RUFY3: variants seen among roughly 807,000 people sequenced by gnomAD.
The protein encoded by RUFY3 is RUN and FYVE domain containing 3, also known as protein RUFY3.
RUFY3 carries 34 observed loss-of-function variants against 84.0 expected under a neutral mutation model. The ratio of observed to expected loss-of-function variants is 0.40; its 90% CI spans 0.31 to 0.54. The LOEUF is 0.54. Ranked by LOEUF, RUFY3 falls within the 20% of genes least tolerant of loss-of-function variation. The probability of loss-of-function intolerance (pLI) is 0.39; values close to 1 mark genes in which losing one functional copy is unlikely to be tolerated. For missense variants in RUFY3, 507 were observed against 736.8 expected (o/e 0.69, Z 3.61); for synonymous variants, 242 against 252.9 (o/e 0.96, Z 0.41).
At chr4:70,803,207 AT>A in intron 16 of RUFY3, 1 of 409,252 alleles carries the variant, frequency 2.4e-6, no homozygotes, top group Non-Finnish European at 4.3e-6. Context: ...ATTTTAAATT[AT>A]CCCTGACATA....
chr4:70,804,455 T>G, intron 17 of RUFY3, 39 bp downstream of exon 17: 1 of 1,562,374 alleles, frequency 6.4e-7, no homozygotes, highest in Non-Finnish European at 8.8e-7. Context: ...TTCATAGGGA[T>G]GTCTACAGCA....
chr4:70,760,685 TG>T (rs1192983606), intron 1 of RUFY3, among the ~76,000 whole-genome samples: 2 of 152,224 alleles, frequency 1.3e-5, no homozygotes, highest in Non-Finnish European at 2.9e-5. Context: ...CCATGTATTT[TG>T]CTGTCCTCTT....
At chr4:70,715,554 T>C (rs1741466338) in intron 1 of RUFY3, among the ~76,000 whole-genome samples, 1 of 125,110 alleles carries the variant, frequency 8.0e-6, no homozygotes, top group African/African-American at 3.2e-5. Context: ...ATCGTGCCAC[T>C]GCACCCTAAC....
chr4:70,766,411 A>T (rs924125436), intron 4 of RUFY3, among the ~76,000 whole-genome samples: 2 of 151,512 alleles, frequency 1.3e-5, no homozygotes, highest in Non-Finnish European at 2.9e-5. Flanking sequence ...CACCTGGCTA[A>T]TTTTTGTATT....
chr4:70,764,580 T>G lies in RUFY3; in HGVS notation c.572+4T>G. 1.3e-6 allele frequency: 2 copies of G among 1,536,694 alleles called. No homozygotes were observed. Among genetic ancestry groups the G allele is most frequent in the Non-Finnish European group, 1.8e-6 (2 of 1,112,718 alleles). ...TCAATAAGAAAGAACTTCTCAGGTATGAACACCTTCTTGAACTTTCTTCTT... is the reference window on the plus strand; with the variant it reads ...TCAATAAGAAAGAACTTCTCAGGTAGGAACACCTTCTTGAACTTTCTTCTT... On this transcript the variant is annotated splice_donor_region_variant and intron_variant, in intron 4 of 17. Coordinates refer to ENST00000381006, the MANE Select transcript of RUFY3 (RefSeq NM_001037442.4).
chr4:70,714,118 C>G (rs1741307739), intron 1 of RUFY3, among the ~76,000 whole-genome samples: 1 of 152,154 alleles, frequency 6.6e-6, no homozygotes, highest in Non-Finnish European at 1.5e-5. Flanking sequence ...GCCAAGGTTA[C>G]TCAGCAGCTA....
At chr4:70,740,389 G>A (rs567278278) in intron 1 of RUFY3, among the ~76,000 whole-genome samples, 4 of 152,272 alleles carry the variant, frequency 2.6e-5, no homozygotes, top group Non-Finnish European at 4.4e-5. Context: ...GGAAAAGTCC[G>A]AGATCCCTGG....
At chr4:70,804,798 G>A (rs1732662581) in intron 17 of RUFY3, among the ~76,000 whole-genome samples, 1 of 151,354 alleles carries the variant, frequency 6.6e-6, no homozygotes, top group Admixed American at 6.6e-5. Context: ...GGGCGTGGTG[G>A]CCTGTAATCC....
chr4:70,729,935 G>GTTTT (rs11420754), intron 1 of RUFY3, among the ~76,000 whole-genome samples: 8 of 129,476 alleles, frequency 6.2e-5, no homozygotes, highest in Admixed American at 1.6e-4. Flanking sequence ...TGTTTCTTTC[G>GTTTT]TTTTTTTTTT....
In RUFY3 at chr4:70,773,883, C is replaced by T. The variant is rs150280261; in HGVS notation, c.758+311C>T. ...GGTTTAAAAACATGGTCATTTTGAC[C>T]AGAGGAGTCGCATTCTCAGTTTGCT... is the stretch of plus-strand genomic sequence containing the variant. On this transcript the variant is annotated intron_variant, in intron 6 of 17. Coordinates refer to ENST00000381006, the MANE Select transcript of RUFY3 (RefSeq NM_001037442.4). Among the ~76,000 whole-genome samples, 177 of 152,158 alleles carry T rather than the reference C, an allele frequency of 1.2e-3. 1 individual carries two copies. Among genetic ancestry groups the T allele is most frequent in the African/African-American group, 4.0e-3 (167 of 41,496 alleles).
At chr4:70,787,781 A>C (rs1200166323) in intron 10 of RUFY3, among the ~76,000 whole-genome samples, 1 of 152,158 alleles carries the variant, frequency 6.6e-6, no homozygotes, top group East Asian at 1.9e-4. Flanking sequence ...GGCACATAAT[A>C]AAAATCTTAA....
At chr4:70,781,573 A>G (rs1000941590) in intron 8 of RUFY3, among the ~76,000 whole-genome samples, 1 of 152,246 alleles carries the variant, frequency 6.6e-6, no homozygotes, top group African/African-American at 2.4e-5. Flanking sequence ...AGGTTTCCCA[A>G]TAGTTTCTCT....
chr4:70,781,480 A>C (rs879311507), intron 8 of RUFY3, among the ~76,000 whole-genome samples: 1 of 152,216 alleles, frequency 6.6e-6, no homozygotes, highest in Non-Finnish European at 1.5e-5. Context: ...CCCTGTCTCA[A>C]ATAAATAAAT....
intron 1 of RUFY3, among the ~76,000 whole-genome samples, chr4:70,729,600 A>G (rs533152801): frequency 6.6e-6 from 1 of 152,278 alleles, no homozygotes; most frequent in South Asian, 2.1e-4. Flanking sequence ...TAACTACTTC[A>G]GAGGTTAGGA....
chr4:70,736,905 A>G (rs756386291), intron 1 of RUFY3, among the ~76,000 whole-genome samples: 1 of 152,126 alleles, frequency 6.6e-6, no homozygotes, highest in African/African-American at 2.4e-5. Flanking sequence ...CTATTTCTTT[A>G]TTACAGGCAT....
At chr4:70,727,826 A>G (rs952006492) in intron 1 of RUFY3, among the ~76,000 whole-genome samples, 2 of 152,012 alleles carry the variant, frequency 1.3e-5, no homozygotes, top group African/African-American at 4.8e-5. Flanking sequence ...AAATTCACCA[A>G]TACATGTTAT....
chr4:70,736,378 A>G (rs987835714), intron 1 of RUFY3, among the ~76,000 whole-genome samples: 4 of 152,110 alleles, frequency 2.6e-5, no homozygotes, highest in South Asian at 2.1e-4. Context: ...CTCTTTTTCA[A>G]TGTATACACT....
At chr4:70,733,994 C>T (rs1475566952) in intron 1 of RUFY3, among the ~76,000 whole-genome samples, 1 of 152,140 alleles carries the variant, frequency 6.6e-6, no homozygotes, top group African/African-American at 2.4e-5. Flanking sequence ...ATATCAGTAC[C>T]TTCTATGACA....
intron 9 of RUFY3, 143 bp from the exon 10 acceptor site, chr4:70,784,651 ACT>A (rs1004200125): frequency 2.2e-6 from 1 of 457,414 alleles, no homozygotes; most frequent in Non-Finnish European, 3.8e-6. Context: ...TTAAAAATGT[ACT>A]AGACTTCAAT....
Sources: allele counts gnomAD v4.1 joint callset (sites outside exome capture counted in the v4.1 genomes callset), GRCh38; gene constraint gnomAD v4.1.1; transcripts MANE v1.5; gene names NCBI Gene and HGNC (gene_info 2026-07-23, HGNC 2026-07-21).